The following PDE10A variants were observed in gnomAD, a reference collection of about 807,000 sequenced individuals.
PDE10A encodes phosphodiesterase 10A.
Under a neutral mutation model 97.7 loss-of-function variants are expected in PDE10A, and 39 were observed. The ratio of observed to expected loss-of-function variants is 0.40; its 90% CI spans 0.31 to 0.52. PDE10A has a LOEUF of 0.52. Among genes scored for constraint, PDE10A ranks in the 20% least tolerant of loss-of-function variants. PDE10A has a pLI of 0.56. For missense variants in PDE10A, 731 were observed against 1,047.8 expected, an observed-to-expected ratio of 0.70 and a Z score of 4.17; for synonymous variants, 371 against 376.8, an observed-to-expected ratio of 0.98 and a Z score of 0.18.
chr6:165,458,685 TCACACACA>T (rs374702289), intron 3 of PDE10A, among the ~76,000 whole-genome samples: 2 of 148,026 alleles, frequency 1.4e-5, no homozygotes, highest in African/African-American at 2.6e-5. Context: ...ACACACACAC[TCACACACA>T]CACACACGTT....
intron 1 of PDE10A, among the ~76,000 whole-genome samples, chr6:165,816,813 G>A (rs1010807787): frequency 6.6e-6 from 1 of 152,136 alleles, no homozygotes; most frequent in Non-Finnish European, 1.5e-5. Flanking sequence ...GGGTTCCGGA[G>A]GGGGGAAGGG....
chr6:165,412,030 AT>A lies in PDE10A; in HGVS notation c.2076+1470del, dbSNP rs148655360. 3.1e-4 allele frequency among the ~76,000 whole-genome samples: 47 copies of A among 150,316 alleles called. 1 individual carries two copies. The highest frequency in any genetic ancestry group is 2.5e-3 in the East Asian group (13 of 5,124). Reference sequence around the variant, plus strand: ...TAGGTATCTAAGAAAAAAGTTTTCAATTTTTTTTTTATTTTTTGACATCTAT... The same window carrying A: ...TAGGTATCTAAGAAAAAAGTTTTCAATTTTTTTTTATTTTTTGACATCTAT... On this transcript the variant is annotated intron_variant, in intron 13 of 21. Transcript: ENST00000539869.
chr6:165,839,802 T>TCA (rs1780172474), intron 1 of PDE10A, among the ~76,000 whole-genome samples: 9 of 7,204 alleles, frequency 1.2e-3, no homozygotes, highest in Admixed American at 3.3e-3. Context: ...CCCCATCCCC[T>TCA]TCTCCAGCTC....
chr6:165,525,209 T>C (rs535834024), intron 2 of PDE10A, among the ~76,000 whole-genome samples: 29 of 152,246 alleles, frequency 1.9e-4, no homozygotes, highest in African/African-American at 6.7e-4. Context: ...ATCTAATTTA[T>C]ATAAACATAA....
At position 165,408,670 on chromosome 6, in the gene PDE10A, G is replaced by A. The variant is rs559625377; in HGVS notation, c.2076+4831C>T. Among the ~76,000 whole-genome samples, 8 of 152,188 alleles carry A rather than the reference G, an allele frequency of 5.3e-5. No individual in the cohort carries two copies. In the South Asian group the frequency reaches 1.7e-3, roughly 32 times the overall value. Reference sequence around the variant, plus strand: ...AAAAATATCATTGTAAAGAAGACATGTGAACTGGTCTTTCTGAATTGGAAC... The same window carrying A: ...AAAAATATCATTGTAAAGAAGACATATGAACTGGTCTTTCTGAATTGGAAC... On this transcript the variant is annotated intron_variant, in intron 13 of 21. Coordinates refer to ENST00000539869, the MANE Select transcript of PDE10A (RefSeq NM_001385079.1).
intron 1 of PDE10A, among the ~76,000 whole-genome samples, chr6:165,600,226 G>A (rs1024304019): frequency 6.6e-6 from 1 of 152,212 alleles, no homozygotes; most frequent in African/African-American, 2.4e-5. Flanking sequence ...TTTCAGGGCT[G>A]CATGCTGGGG....
intron 1 of PDE10A, among the ~76,000 whole-genome samples, chr6:165,546,172 A>G (rs989898675): frequency 6.6e-6 from 1 of 152,080 alleles, no homozygotes; most frequent in African/African-American, 2.4e-5. Flanking sequence ...AAAAGGATAC[A>G]TATTACACAA....
At position 165,562,780 on chromosome 6, in the gene PDE10A, AT is replaced by A. The variant is rs555071650; in HGVS notation, c.866-19213del. 4.3e-3 allele frequency among the ~76,000 whole-genome samples: 662 copies of A among 152,334 alleles called. 2 individuals carry two copies. The highest frequency in any genetic ancestry group is 0.017 in the Middle Eastern group (5 of 294). On this transcript the variant is annotated intron_variant, in intron 1 of 21. Coordinates refer to ENST00000539869, the MANE Select transcript of PDE10A (RefSeq NM_001385079.1). ...CCCACCTGGCCTGGCACGTAGTAAA[AT>A]TTAAATCATAAGTTCTCAGCTGGGA...
intron 1 of PDE10A, among the ~76,000 whole-genome samples, chr6:165,758,479 A>G (rs1376679482): frequency 4.2e-5 from 5 of 118,174 alleles, no homozygotes; most frequent in South Asian, 3.2e-4. Context: ...AAGAAGAAAG[A>G]AGAAAGGAGA....
chr6:165,549,197 A>G (rs897262328), intron 1 of PDE10A, among the ~76,000 whole-genome samples: 1 of 152,238 alleles, frequency 6.6e-6, no homozygotes, highest in African/African-American at 2.4e-5. Context: ...AAGTATTTCA[A>G]TTTCAGGAAA....
At chr6:165,663,681 C>G (rs1449882024), upstream of PDE10A, among the ~76,000 whole-genome samples, 3 of 152,224 alleles carry the variant, frequency 2.0e-5, no homozygotes, top group Non-Finnish European at 2.9e-5. Flanking sequence ...CTCCCCAGGA[C>G]TCCCTTTCGC....
chr6:165,861,865 A>G (rs1168876516), intron 1 of PDE10A, among the ~76,000 whole-genome samples: 1 of 152,204 alleles, frequency 6.6e-6, no homozygotes, highest in Non-Finnish European at 1.5e-5. Flanking sequence ...TCAGTTGCAC[A>G]CCTCAAATAG....
intron 1 of PDE10A, among the ~76,000 whole-genome samples, chr6:165,827,810 C>T (rs566174801): frequency 3.3e-5 from 5 of 152,316 alleles, no homozygotes; most frequent in African/African-American, 9.6e-5. Context: ...GTCCCCCTCC[C>T]GCATTTTCCT....
chr6:165,879,285 C>G (rs1359324302), intron 1 of PDE10A, among the ~76,000 whole-genome samples: 2 of 152,146 alleles, frequency 1.3e-5, no homozygotes, highest in African/African-American at 2.4e-5. Flanking sequence ...TGAATTTTAT[C>G]AAATTTGCTA....
chr6:165,466,404 A>G (rs1050459613), intron 3 of PDE10A, among the ~76,000 whole-genome samples: 3 of 152,218 alleles, frequency 2.0e-5, no homozygotes, highest in Non-Finnish European at 4.4e-5. Context: ...GAAAAGATGT[A>G]GTTTAAGTAC....
intron 1 of PDE10A, among the ~76,000 whole-genome samples, chr6:165,896,521 A>ATTTT (rs35509574): frequency 1.7e-4 from 18 of 105,748 alleles, no homozygotes; most frequent in Middle Eastern, 5.7e-3. Flanking sequence ...ACGCCAGCTA[A>ATTTT]TTTTTTTTTT....
intron 1 of PDE10A, among the ~76,000 whole-genome samples, chr6:165,641,270 T>A (rs964960711): frequency 2.0e-5 from 3 of 152,266 alleles, no homozygotes; most frequent in African/African-American, 7.2e-5. Flanking sequence ...CAAATAAAAA[T>A]ACCTAGAAAT....
intron 1 of PDE10A, among the ~76,000 whole-genome samples, chr6:165,794,922 CT>C (rs1778789931): frequency 6.6e-6 from 1 of 152,180 alleles, no homozygotes; most frequent in South Asian, 2.1e-4. Context: ...ATGAATGTGC[CT>C]ATTGTTTCGT....
At chr6:165,341,156 T>C (rs1781947469) in intron 19 of PDE10A, among the ~76,000 whole-genome samples, 1 of 152,192 alleles carries the variant, frequency 6.6e-6, no homozygotes, top group Non-Finnish European at 1.5e-5. Context: ...TTATAGATAC[T>C]GGGAACAACT....
Sources: allele counts gnomAD v4.1 joint callset (sites outside exome capture counted in the v4.1 genomes callset), GRCh38; gene constraint gnomAD v4.1.1; transcripts MANE v1.5; gene names NCBI Gene and HGNC (gene_info 2026-07-23, HGNC 2026-07-21).